The following KRT27 variants were observed in gnomAD, a reference collection of about 807,000 sequenced individuals.
KRT27 encodes the protein keratin, type I cytoskeletal 27.
KRT27 carries 30 observed loss-of-function variants against 45.3 expected under a neutral mutation model. That is an observed-to-expected ratio of 0.66 (90% confidence interval 0.50 to 0.90). The LOEUF is 0.90. Among genes scored for constraint, KRT27 ranks in the 40% least tolerant of loss-of-function variants. The pLI is 0.00. For synonymous variants in KRT27, 204 were observed against 223.9 expected (o/e 0.91, Z 0.79); for missense variants, 610 against 564.3 (o/e 1.08, Z -0.82).
chr17:40,780,245 G>A (rs201663631), intron 3 of KRT27, 55 bp downstream of exon 3: 1 of 1,511,010 alleles, frequency 6.6e-7, no homozygotes, highest in South Asian at 1.3e-5. Flanking sequence ...TCTGAAATTA[G>A]TTTTAAAATT....
rs1309831044 is a variant in KRT27 at position 40,782,444 on chromosome 17, CCCCCG to C, written c.45_49del (p.Cys15TrpfsTer9). ...ACTAGAGAGCCTCACAGAGCCAGTG[CCCCCG>C]CAAGAGCCAAGTCTCCTGGAGGTAG... On this transcript the variant is annotated frameshift_variant, in exon 1 of 8. Transcript: ENST00000301656. LOFTEE classifies it high-confidence loss of function. The C allele has an allele frequency of 6.2e-7, 1 of 1,606,070 alleles. No individual in the cohort carries two copies. Among genetic ancestry groups the C allele is most frequent in the African/African-American group, 1.3e-5 (1 of 74,570 alleles).
intron 2 of KRT27, among the ~76,000 whole-genome samples, 191 bp downstream of exon 2, chr17:40,780,997 G>A (rs986055220): frequency 1.8e-4 from 27 of 152,278 alleles, no homozygotes; most frequent in African/African-American, 6.5e-4. Context: ...ACTCGTTTTT[G>A]TTAGTCCCGA....
intron 5 of KRT27, among the ~76,000 whole-genome samples, chr17:40,778,685 T>C (rs1042469648): frequency 2.6e-5 from 4 of 152,202 alleles, no homozygotes; most frequent in Non-Finnish European, 5.9e-5. Context: ...ATGTTTAGTT[T>C]TATAGTCAGC....
Position 40,777,111 on chromosome 17 carries a change from G to C in KRT27, c.1268C>G (p.Thr423Arg). Residue 423 changes from threonine to arginine, a missense_variant, in exon 8 of 8, where the codon ACA (threonine) becomes AGA (arginine). Physicochemically the swap from Thr to Arg is moderately conservative, Grantham distance 71. Coordinates refer to ENST00000301656, the MANE Select transcript of KRT27 (RefSeq NM_181537.4). ...ACGAGGATCTATCTCTTCAACAACTGTTTTGACAATGGTGGTTTTAGATGA... is the reference window on the plus strand; with the variant it reads ...ACGAGGATCTATCTCTTCAACAACTCTTTTGACAATGGTGGTTTTAGATGA... ...KDSSKTTIVK[T>R]VVEEIDPRGK... 6.2e-7 allele frequency: 1 copy of C among 1,613,808 alleles called. No individual in the cohort carries two copies. The highest frequency in any genetic ancestry group is 2.2e-5 in the East Asian group (1 of 44,876).
rs538561423 is a variant in KRT27, at chr17:40,778,176, G to T, written c.973-444C>A. 5.9e-5 allele frequency among the ~76,000 whole-genome samples: 9 copies of T among 152,318 alleles called. No individual in the cohort carries two copies. In the South Asian group the frequency reaches 1.4e-3, roughly 25 times the overall value. ...TTAAAAAGTCATCCTGCAGTAAACC[G>T]CATAAACGTTCCATGAGTAGAATAA... On this transcript the variant is annotated intron_variant, in intron 5 of 7. Transcript: ENST00000301656.
At chr17:40,780,221 CATT>C (rs1340003480) in intron 3 of KRT27, 76 bp downstream of exon 3, 1 of 1,346,734 alleles carries the variant, frequency 7.4e-7, no homozygotes, top group African/African-American at 1.5e-5. Context: ...TAATTTAAGA[CATT>C]ATATTTATCA....
Position 40,777,555 on chromosome 17 carries a change from C to G in KRT27, c.1150G>C (p.Glu384Gln). ...ATCAGGAGGCAGTAGGTCTCAATTT[C>G]TTTTTCCAGGTGGACCTTGATGTCA... ...LLDIKVHLEKEIETYCLLIDG... is the reference protein window; with the variant it reads ...LLDIKVHLEKQIETYCLLIDG... Residue 384 changes from glutamate (E) to glutamine (Q), a missense_variant, in exon 6 of 8, where the codon GAA becomes CAA. Physicochemically the swap from Glu to Gln is conservative, Grantham distance 29. Transcript: ENST00000301656. 1 of 1,613,962 alleles carries G rather than the reference C, an allele frequency of 6.2e-7. No homozygotes were observed. The highest frequency in any genetic ancestry group is 8.5e-7 in the Non-Finnish European group (1 of 1,179,856).
Position 40,779,512 on chromosome 17 carries a change from A to AGGGACTGAAGTTCAATCTCAAGG in KRT27, c.939_961dup (p.Leu321ProfsTer10), listed in dbSNP as rs752695919. ...TAACTTTTCGCTTACCGTTGCTAAG[A>AGGGACTGAAGTTCAATCTCAAGG]GGGACTGAAGTTCAATCTCAAGGGT... On this transcript the variant is annotated frameshift_variant, in exon 5 of 8. Transcript: ENST00000301656. LOFTEE classifies it high-confidence loss of function. 4 of 1,612,176 alleles carry AGGGACTGAAGTTCAATCTCAAGG rather than the reference A, an allele frequency of 2.5e-6. No individual in the cohort carries two copies. The highest frequency in any genetic ancestry group is 2.5e-6 in the Non-Finnish European group (3 of 1,178,816).
At chr17:40,779,290 T>A (rs1263610207) in intron 5 of KRT27, among the ~76,000 whole-genome samples, 1 of 152,228 alleles carries the variant, frequency 6.6e-6, no homozygotes, top group Non-Finnish European at 1.5e-5. Flanking sequence ...CTTGACTGTA[T>A]TTGCTAATTT....
intron 5 of KRT27, among the ~76,000 whole-genome samples, chr17:40,779,083 C>G (rs561483588): frequency 1.3e-5 from 2 of 152,254 alleles, no homozygotes; most frequent in East Asian, 3.9e-4. Flanking sequence ...TGAACTGATT[C>G]TCCCTATTTC....
At chr17:40,779,366 A>G in intron 5 of KRT27, 136 bp downstream of exon 5, 1 of 1,105,432 alleles carries the variant, frequency 9.0e-7, no homozygotes, top group South Asian at 1.9e-5. Context: ...CATGTGCAAA[A>G]TGCAAATATG....
In KRT27 at chr17:40,782,542, G is replaced by C. The variant is rs1435093009; in HGVS notation, c.-49C>G. On this transcript the variant is annotated 5_prime_UTR_variant, in exon 1 of 8. Transcript: ENST00000301656. ...GTTTCTGCGGTGATGCTCTGATGGTGAACGGCCTACTCAAACAGCTTGGTT... is the reference window on the plus strand; with the variant it reads ...GTTTCTGCGGTGATGCTCTGATGGTCAACGGCCTACTCAAACAGCTTGGTT... 7.0e-7 allele frequency: 1 copy of C among 1,428,328 alleles called. No homozygotes were observed. 88.5% of individuals were successfully genotyped at this position (1,428,328 alleles called of 1,614,324 possible). A position where few individuals can be genotyped will look rare whatever the true frequency, so the allele number is the denominator to read the frequency against.
At chr17:40,778,029 G>T in intron 5 of KRT27, 2 of 379,414 alleles carry the variant, frequency 5.3e-6, no homozygotes, top group South Asian at 3.2e-5. Context: ...CACCAATATA[G>T]CCTGTGCTTG....
chr17:40,781,098 G>C (rs1240573660), intron 2 of KRT27, 90 bp downstream of exon 2: 1 of 747,498 alleles, frequency 1.3e-6, no homozygotes, highest in Non-Finnish European at 2.2e-6. Context: ...AAGAACAAAG[G>C]CTTGAGACAA....
At chr17:40,780,722 G>T (rs1404244432) in intron 2 of KRT27, among the ~76,000 whole-genome samples, 2 of 152,124 alleles carry the variant, frequency 1.3e-5, no homozygotes, top group African/African-American at 4.8e-5. Context: ...AGTGGTGGGC[G>T]CCTGTAGTCC....
chr17:40,777,528 C>A lies in KRT27; in HGVS notation c.1177G>T (p.Asp393Tyr). The change falls in exon 6 of 8, where the codon GAT becomes TAT. Residue 393 changes from aspartate (D) to tyrosine (Y), a missense_variant. By Grantham distance (160) the Asp-to-Tyr change is radical. Coordinates refer to ENST00000301656, the MANE Select transcript of KRT27 (RefSeq NM_181537.4). ...KEIETYCLLI[D>Y]GEDGSCSKSK... The stretch of plus-strand genomic sequence containing the variant: ...GGCAATACTGACCCATCTTCTCCAT[C>A]TATCAGGAGGCAGTAGGTCTCAATT... The A allele has an allele frequency of 6.2e-7, 1 of 1,613,970 alleles. No individual in the cohort carries two copies. Among genetic ancestry groups the A allele is most frequent in the Non-Finnish European group, 8.5e-7 (1 of 1,179,844 alleles).
chr17:40,777,799 A>T, intron 5 of KRT27, 67 bp from the exon 6 acceptor site: 1 of 1,468,896 alleles, frequency 6.8e-7, no homozygotes, highest in African/African-American at 1.4e-5. Flanking sequence ...CAAAGCATTT[A>T]AGAGATAATT....
At position 40,779,749 on chromosome 17, in the gene KRT27, G is replaced by A; in HGVS notation, c.797C>T (p.Ala266Val). The A allele has an allele frequency of 6.2e-7, 1 of 1,614,242 alleles. No individual in the cohort carries two copies. Among genetic ancestry groups the A allele is most frequent in the Non-Finnish European group, 8.5e-7 (1 of 1,180,036 alleles). Residue 266 changes from alanine (A) to valine (V), a missense_variant, in exon 4 of 8, where the codon GCC (alanine) becomes GTC (valine). By Grantham distance (64) the Ala-to-Val change is moderately conservative. Coordinates refer to ENST00000301656, the MANE Select transcript of KRT27 (RefSeq NM_181537.4). ...GTCCCTGCGGTTCTGCTCTGCGAGG[G>A]CTTCGTACTCAGCTCGCATATTGTT... is the stretch of plus-strand genomic sequence containing the variant. ...LLNNMRAEYE[A>V]LAEQNRRDAE...
chr17:40,778,990 T>C (rs2038287379), intron 5 of KRT27, among the ~76,000 whole-genome samples: 1 of 152,204 alleles, frequency 6.6e-6, no homozygotes, highest in Admixed American at 6.5e-5. Context: ...GTTGGGAACA[T>C]TCAAAATCCT....
Sources: allele counts gnomAD v4.1 joint callset (sites outside exome capture counted in the v4.1 genomes callset), GRCh38; gene constraint gnomAD v4.1.1; transcripts MANE v1.5; gene names NCBI Gene and HGNC (gene_info 2026-07-23, HGNC 2026-07-21).